The following DENND1B variants were observed in gnomAD, a reference collection of about 807,000 sequenced individuals.
DENND1B encodes the protein DENN domain-containing protein 1B.
A neutral mutation model predicts 90.1 loss-of-function variants in DENND1B; 59 were observed. The ratio of observed to expected loss-of-function variants is 0.65; its 90% CI spans 0.53 to 0.81. DENND1B has a LOEUF of 0.81. DENND1B is among the 40% of genes least tolerant of loss of function. The pLI, the probability that DENND1B is intolerant of heterozygous loss-of-function variation, is 0.00. For synonymous variants in DENND1B, 337 were observed against 324.6 expected (o/e 1.04, Z -0.41); for missense variants, 862 against 912.6 (o/e 0.94, Z 0.71).
At chr1:197,592,594 G>A (rs956668453) in intron 14 of DENND1B, among the ~76,000 whole-genome samples, 19 of 152,128 alleles carry the variant, frequency 1.2e-4, no homozygotes, top group African/African-American at 4.3e-4. Context: ...GATTAAAAGC[G>A]TTGCCAGGAA....
intron 3 of DENND1B, among the ~76,000 whole-genome samples, chr1:197,699,169 T>C (rs2102143092): frequency 6.6e-6 from 1 of 152,192 alleles, no homozygotes; most frequent in African/African-American, 2.4e-5. Flanking sequence ...CCTCAAAAAA[T>C]ACTGGCAAAT....
At chr1:197,714,882 A>G in intron 3 of DENND1B, 149 bp downstream of exon 3, 1 of 665,868 alleles carries the variant, frequency 1.5e-6, no homozygotes, top group Non-Finnish European at 2.7e-6. Context: ...TATTCCGCAC[A>G]CATGCATTTT....
chr1:197,607,207 A>G (rs1485687935), intron 12 of DENND1B, 33 bp from the exon 13 acceptor site: 1 of 1,410,884 alleles, frequency 7.1e-7, no homozygotes, highest in East Asian at 2.4e-5. Context: ...AATACAAATC[A>G]GTATATTTAC....
At chr1:197,658,437 T>C (rs2125953095) in intron 5 of DENND1B, 68 bp from the exon 6 acceptor site, 1 of 1,074,448 alleles carries the variant, frequency 9.3e-7, no homozygotes, top group South Asian at 1.5e-5. Context: ...AATATAAACA[T>C]TTAATTCATA....
intron 3 of DENND1B, among the ~76,000 whole-genome samples, chr1:197,699,002 T>C (rs2102141916): frequency 6.6e-6 from 1 of 152,260 alleles, no homozygotes; most frequent in Non-Finnish European, 1.5e-5. Flanking sequence ...GCTGGTACCA[T>C]TCCTTCTGAA....
chr1:197,555,341 A>C (rs966374858), intron 15 of DENND1B, among the ~76,000 whole-genome samples: 1 of 152,128 alleles, frequency 6.6e-6, no homozygotes, highest in African/African-American at 2.4e-5. Context: ...AAATGTAACA[A>C]AACCAAAAAT....
At chr1:197,722,524 A>G (rs1318176258) in intron 2 of DENND1B, among the ~76,000 whole-genome samples, 1 of 152,160 alleles carries the variant, frequency 6.6e-6, no homozygotes, top group Non-Finnish European at 1.5e-5. Context: ...CATTCTCACC[A>G]AGCCAAATAT....
chr1:197,676,138 T>C (rs1054854910), intron 3 of DENND1B, among the ~76,000 whole-genome samples: 35 of 150,550 alleles, frequency 2.3e-4, no homozygotes, highest in African/African-American at 8.1e-4. Context: ...AGCTCAGCAG[T>C]TGACTGTTTC....
chr1:197,586,315 T>C (rs1331002341), intron 14 of DENND1B, among the ~76,000 whole-genome samples: 1 of 152,218 alleles, frequency 6.6e-6, no homozygotes, highest in African/African-American at 2.4e-5. Context: ...TTTTTAGGAA[T>C]ATAGCAATTT....
chr1:197,720,806 G>T (rs1319378026), intron 2 of DENND1B, among the ~76,000 whole-genome samples: 2 of 152,084 alleles, frequency 1.3e-5, no homozygotes, highest in African/African-American at 4.8e-5. Context: ...TAAACCTTAA[G>T]ACTATAAGCA....
At chr1:197,761,336 TATC>T (rs1007507326) in intron 2 of DENND1B, among the ~76,000 whole-genome samples, 7 of 152,026 alleles carry the variant, frequency 4.6e-5, no homozygotes, top group African/African-American at 1.7e-4. Flanking sequence ...CTCTTCCAAA[TATC>T]ATATCTAAAA....
intron 2 of DENND1B, among the ~76,000 whole-genome samples, chr1:197,719,962 T>C (rs1239373050): frequency 6.6e-6 from 1 of 152,202 alleles, no homozygotes; most frequent in African/African-American, 2.4e-5. Flanking sequence ...ATCACATAGC[T>C]GAAGTCTGGG....
chr1:197,697,499 C>G (rs141541263), intron 3 of DENND1B, among the ~76,000 whole-genome samples: 1 of 151,536 alleles, frequency 6.6e-6, no homozygotes, highest in African/African-American at 2.4e-5. Context: ...AAAAGAGGAC[C>G]AACTAAAGGA....
chr1:197,691,329 C>A (rs1243446739), intron 3 of DENND1B, among the ~76,000 whole-genome samples: 3 of 150,220 alleles, frequency 2.0e-5, no homozygotes, highest in African/African-American at 7.3e-5. Context: ...CCAAAGAAGT[C>A]ATACGAATGG....
chr1:197,707,852 C>T (rs1446646052), intron 3 of DENND1B, among the ~76,000 whole-genome samples: 3 of 147,208 alleles, frequency 2.0e-5, no homozygotes, highest in Admixed American at 1.4e-4. Context: ...AGACAGTGGG[C>T]GCAGGCCAGT....
rs567886903 is a variant in DENND1B at position 197,662,428 on chromosome 1, A to G, written c.297-4059T>C. ...GATACATACTTGACTAAGATAAAGCAACTTATCTAGGGTCACAAAGCTATG... is the reference window on the plus strand; with the variant it reads ...GATACATACTTGACTAAGATAAAGCGACTTATCTAGGGTCACAAAGCTATG... On this transcript the variant is annotated intron_variant, in intron 5 of 22. Coordinates refer to ENST00000620048, the MANE Select transcript of DENND1B (RefSeq NM_001195215.2). Among the ~76,000 whole-genome samples, 17 of 152,206 alleles carry G rather than the reference A, an allele frequency of 1.1e-4. No individual in the cohort carries two copies. In the South Asian group the frequency reaches 3.5e-3, roughly 32 times the overall value.
At chr1:197,625,261 A>G (rs1678568770) in intron 10 of DENND1B, among the ~76,000 whole-genome samples, 1 of 152,098 alleles carries the variant, frequency 6.6e-6, no homozygotes, top group African/African-American at 2.4e-5. Context: ...GGGCAGCCAG[A>G]GAGAAAGGTC....
chr1:197,530,329 GTC>G (rs1399107045), intron 20 of DENND1B, among the ~76,000 whole-genome samples: 2 of 152,154 alleles, frequency 1.3e-5, no homozygotes, highest in East Asian at 3.9e-4. Flanking sequence ...TGAAAATAAA[GTC>G]TCTCACTGAC....
chr1:197,765,758 C>G (rs1655622344), intron 2 of DENND1B, among the ~76,000 whole-genome samples: 1 of 152,142 alleles, frequency 6.6e-6, no homozygotes, highest in Non-Finnish European at 1.5e-5. Context: ...CATCAAAAAC[C>G]AAGAGGTCAC....
Sources: gnomAD v4.1 joint callset for allele counts (sites outside exome capture counted in the v4.1 genomes callset) on GRCh38, gnomAD v4.1.1 for gene constraint, MANE v1.5 for transcripts, NCBI Gene and HGNC (gene_info 2026-07-23, HGNC 2026-07-21) for gene names.